The following GATAD2B variants were observed in gnomAD, a reference collection of about 807,000 sequenced individuals.
GATAD2B encodes the protein transcriptional repressor p66-beta.
GATAD2B carries 8 observed loss-of-function variants against 64.3 expected under a neutral mutation model. The ratio of observed to expected loss-of-function variants is 0.12; its 90% confidence interval spans 0.07 to 0.22. The LOEUF (loss-of-function observed/expected upper bound fraction) is 0.22. Among genes scored for constraint, GATAD2B ranks in the 10% least tolerant of loss-of-function variants. The pLI is 1.00. For synonymous variants in GATAD2B, 281 were observed against 271.3 expected, an observed-to-expected ratio of 1.04 and a Z score of -0.35; for missense variants, 453 against 752.0, an observed-to-expected ratio of 0.60 and a Z score of 4.65.
chr1:153,858,209 T>G (rs1000786366), intron 1 of GATAD2B, among the ~76,000 whole-genome samples: 85 of 152,320 alleles, frequency 5.6e-4, no homozygotes, highest in African/African-American at 2.0e-3. Context: ...TCTAACTTAT[T>G]TCTCTTCTTA....
intron 9 of GATAD2B, 71 bp downstream of exon 9, chr1:153,811,951 G>T: frequency 7.7e-7 from 1 of 1,292,620 alleles, no homozygotes; most frequent in Non-Finnish European, 1.1e-6. Flanking sequence ...TCCCACAATA[G>T]AAAGGACAAA....
intron 1 of GATAD2B, among the ~76,000 whole-genome samples, chr1:153,830,482 A>AATTT (rs1553190004): frequency 7.5e-6 from 1 of 132,538 alleles, no homozygotes; most frequent in Non-Finnish European, 1.6e-5. Context: ...TTATTTATTT[A>AATTT]TTTTTTTTTT....
At chr1:153,861,881 T>C (rs1286803381) in intron 1 of GATAD2B, among the ~76,000 whole-genome samples, 1 of 148,000 alleles carries the variant, frequency 6.8e-6, no homozygotes, top group Non-Finnish European at 1.5e-5. Flanking sequence ...TATGTGTATA[T>C]ATATATATGC....
chr1:153,889,125 A>G (rs960117906), intron 1 of GATAD2B, among the ~76,000 whole-genome samples: 8 of 152,134 alleles, frequency 5.3e-5, no homozygotes, highest in Non-Finnish European at 1.2e-4. Context: ...TATGTTCAAC[A>G]GGCTATACTA....
intron 1 of GATAD2B, among the ~76,000 whole-genome samples, chr1:153,909,373 C>T (rs1160324824): frequency 4.0e-5 from 6 of 151,836 alleles, no homozygotes; most frequent in Admixed American, 1.3e-4. Context: ...ACCACCATGA[C>T]GACTAATTTT....
chr1:153,863,387 T>C (rs1676377099), intron 1 of GATAD2B, among the ~76,000 whole-genome samples: 1 of 151,502 alleles, frequency 6.6e-6, no homozygotes, highest in African/African-American at 2.4e-5. Context: ...TCCAAGCTAA[T>C]TGGGAGGCTG....
chr1:153,848,040 A>G (rs1675749452), intron 1 of GATAD2B, among the ~76,000 whole-genome samples: 1 of 152,206 alleles, frequency 6.6e-6, no homozygotes, highest in African/African-American at 2.4e-5. Context: ...GAACTCATGC[A>G]GCTATCCTTT....
intron 1 of GATAD2B, among the ~76,000 whole-genome samples, chr1:153,887,587 T>C (rs982674013): frequency 6.6e-6 from 1 of 152,124 alleles, no homozygotes; most frequent in African/African-American, 2.4e-5. Context: ...GGGAGTACTG[T>C]TCTCAAAGTA....
At chr1:153,870,975 C>T (rs1316036799) in intron 1 of GATAD2B, among the ~76,000 whole-genome samples, 1 of 152,278 alleles carries the variant, frequency 6.6e-6, no homozygotes, top group Non-Finnish European at 1.5e-5. Context: ...TGCAGTGGCA[C>T]GATCTTGGCT....
At chr1:153,915,758 A>G (rs937219012) in intron 1 of GATAD2B, among the ~76,000 whole-genome samples, 56 of 151,192 alleles carry the variant, frequency 3.7e-4, no homozygotes, top group African/African-American at 5.6e-4. Flanking sequence ...AAAAAAAAAA[A>G]AAAGAAAAGA....
intron 1 of GATAD2B, among the ~76,000 whole-genome samples, chr1:153,841,705 T>G (rs1242382590): frequency 6.6e-6 from 1 of 152,202 alleles, no homozygotes; most frequent in Non-Finnish European, 1.5e-5. Flanking sequence ...GAAGGACATC[T>G]GAGTTGTTTT....
chr1:153,881,610 T>G (rs981766702), intron 1 of GATAD2B, among the ~76,000 whole-genome samples: 2 of 152,218 alleles, frequency 1.3e-5, no homozygotes, highest in African/African-American at 4.8e-5. Context: ...ATTTCGAGTT[T>G]CTGCTTTTAG....
intron 1 of GATAD2B, among the ~76,000 whole-genome samples, chr1:153,869,696 T>C (rs541170787): frequency 1.3e-5 from 2 of 152,312 alleles, no homozygotes; most frequent in South Asian, 2.1e-4. Context: ...TCAGGTGTGC[T>C]CACTGCTAGG....
intron 1 of GATAD2B, among the ~76,000 whole-genome samples, chr1:153,880,059 C>T (rs1676961522): frequency 6.6e-6 from 1 of 152,072 alleles, no homozygotes; most frequent in Non-Finnish European, 1.5e-5. Flanking sequence ...GGGGGAGTCT[C>T]GAATGAGTAG....
intron 1 of GATAD2B, among the ~76,000 whole-genome samples, chr1:153,873,684 T>C (rs1446280121): frequency 3.3e-5 from 5 of 152,218 alleles, no homozygotes; most frequent in African/African-American, 1.2e-4. Flanking sequence ...GGCTCATGCC[T>C]GTAATCCCAG....
At chr1:153,847,884 TTA>T (rs1675744260) in intron 1 of GATAD2B, among the ~76,000 whole-genome samples, 2 of 152,196 alleles carry the variant, frequency 1.3e-5, no homozygotes, top group Admixed American at 1.3e-4. Context: ...ACTGTTTAAC[TTA>T]TATAACGAGT....
At chr1:153,835,434 C>T (rs879591146) in intron 1 of GATAD2B, among the ~76,000 whole-genome samples, 1 of 151,720 alleles carries the variant, frequency 6.6e-6, no homozygotes, top group South Asian at 2.1e-4. Context: ...TAAGAAACTG[C>T]CAGGTTGGGC....
In GATAD2B at chr1:153,825,598, A is replaced by C. The variant is rs770254396; in HGVS notation, c.335+2415T>G. ...GCCACCACACCTGGCTAATTTTTTCATATTTTTAGTAGAGACAAGGTTTCA... is the reference window on the plus strand; with the variant it reads ...GCCACCACACCTGGCTAATTTTTTCCTATTTTTAGTAGAGACAAGGTTTCA... On this transcript the variant is annotated intron_variant, in intron 2 of 10. Transcript: ENST00000368655. Among the ~76,000 whole-genome samples, 4 of 152,056 alleles carry C rather than the reference A, an allele frequency of 2.6e-5. No homozygotes were observed. The South Asian group carries it at 8.3e-4, about 32-fold the overall frequency.
chr1:153,827,245 CAAAAAAAA>C (rs545259062), intron 2 of GATAD2B, among the ~76,000 whole-genome samples: 1 of 49,366 alleles, frequency 2.0e-5, no homozygotes, highest in African/African-American at 7.8e-5. Flanking sequence ...GACCTTGCCT[CAAAAAAAA>C]AAAAAAAAGC....
Sources: allele counts gnomAD v4.1 joint callset (sites outside exome capture counted in the v4.1 genomes callset), GRCh38; gene constraint gnomAD v4.1.1; transcripts MANE v1.5; gene names NCBI Gene and HGNC (gene_info 2026-07-23, HGNC 2026-07-21).